The following PTBP3 variants were observed in gnomAD, a reference collection of about 807,000 sequenced individuals.
PTBP3 encodes the protein polypyrimidine tract binding protein 3, also known as polypyrimidine tract-binding protein 3.
PTBP3 carries 20 observed loss-of-function variants against 58.7 expected under a neutral mutation model. The observed-to-expected ratio is 0.34, with a 90% CI of 0.24 to 0.50. The LOEUF (loss-of-function observed/expected upper bound fraction) is 0.50, where lower values mean the gene tolerates loss of function less well. Ranked by LOEUF, PTBP3 falls within the 20% of genes least tolerant of loss-of-function variation. PTBP3 has a pLI of 0.98. For synonymous variants in PTBP3, 185 were observed against 219.8 expected, an observed-to-expected ratio of 0.84 and a Z score of 1.40; for missense variants, 509 against 637.2, an observed-to-expected ratio of 0.80 and a Z score of 2.17.
rs374037315 is a variant in PTBP3, at chr9:112,257,023, A to G, written c.517-4235T>C. 3.3e-5 allele frequency among the ~76,000 whole-genome samples: 5 copies of G among 152,230 alleles called. No homozygotes were observed. The East Asian group carries it at 7.7e-4, about 23-fold the overall frequency. On this transcript the variant is annotated intron_variant, in intron 5 of 13. Coordinates refer to ENST00000374257, the MANE Select transcript of PTBP3 (RefSeq NM_001163788.4). ...AAATTTTTATACTAAATTATGCTATAAAACCTAATTTCCACTCACCTTTCA... is the reference window on the plus strand; with the variant it reads ...AAATTTTTATACTAAATTATGCTATGAAACCTAATTTCCACTCACCTTTCA...
At chr9:112,332,680 T>C (rs1830423633) in intron 1 of PTBP3, 1 of 1,414,398 alleles carries the variant, frequency 7.1e-7, no homozygotes, top group African/African-American at 1.4e-5. Flanking sequence ...GAACAGTTTA[T>C]ATACATAGAC....
chr9:112,372,300 A>T, the PTBP3 span, among the ~76,000 whole-genome samples: 2 of 151,968 alleles, frequency 1.3e-5, no homozygotes, highest in Non-Finnish European at 2.9e-5. Flanking sequence ...GCTGGTCTTG[A>T]ACTCCTGGCT....
At chr9:112,339,690 A>G in the PTBP3 span, among the ~76,000 whole-genome samples, 2 of 151,660 alleles carry the variant, frequency 1.3e-5, no homozygotes, top group South Asian at 4.2e-4. Flanking sequence ...CAGCCTCCCA[A>G]GTAGCTGGGA....
At chr9:112,258,209 A>G (rs1230560142) in intron 5 of PTBP3, among the ~76,000 whole-genome samples, 1 of 152,216 alleles carries the variant, frequency 6.6e-6, no homozygotes, top group African/African-American at 2.4e-5. Flanking sequence ...TCCCATGTAT[A>G]ACAGTACTCA....
At chr9:112,310,423 T>A (rs2000053) in intron 1 of PTBP3, among the ~76,000 whole-genome samples, 129,275 of 152,256 alleles carry the variant, frequency 0.85, 55,304 homozygotes, top group African/African-American at 0.95. Flanking sequence ...CATTCATTTG[T>A]ATATTTATTC....
At chr9:112,320,101 G>A (rs1237684370) in intron 1 of PTBP3, among the ~76,000 whole-genome samples, 2 of 151,464 alleles carry the variant, frequency 1.3e-5, no homozygotes. Flanking sequence ...TGTTTAACAT[G>A]GTGACTATAT....
In PTBP3 at chr9:112,219,870, A is replaced by C. The variant is rs969347587; in HGVS notation, c.*3981T>G. The C allele has an allele frequency of 5.9e-6, 1 of 168,988 alleles. No individual in the cohort carries two copies. Among genetic ancestry groups the C allele is most frequent in the African/African-American group, 2.4e-5 (1 of 41,706 alleles). The allele number at this position is 168,988 out of a possible 1,614,324, so 10.5% of individuals were successfully genotyped here. ...ATTTTCTATATTTTAAACCACTCAC[A>C]ACTAGCTGTTAAAATTTGCTCTGAA... is the stretch of plus-strand genomic sequence containing the variant. On this transcript the variant is annotated 3_prime_UTR_variant, in exon 14 of 14. Transcript: ENST00000374257.
In PTBP3 at chr9:112,297,934, T is replaced by A. The variant is rs775929450; in HGVS notation, c.-51-18A>T. ...GATCCCCGCTGAAAAGCAAAACCAA[T>A]GTTTGGTTAATAAACCAAGTTTTAG... On this transcript the variant is annotated intron_variant, in intron 1 of 13. Transcript: ENST00000374257. 1.9e-6 allele frequency: 3 copies of A among 1,592,246 alleles called. No individual in the cohort carries two copies. Among genetic ancestry groups the A allele is most frequent in the Non-Finnish European group, 1.7e-6 (2 of 1,167,816 alleles).
chr9:112,370,242 T>C, the PTBP3 span, among the ~76,000 whole-genome samples: 1 of 152,158 alleles, frequency 6.6e-6, no homozygotes, highest in Non-Finnish European at 1.5e-5. Context: ...ATAGTAAGTT[T>C]TAAAATATGG....
At chr9:112,229,350 G>A (rs1835113177) in intron 10 of PTBP3, among the ~76,000 whole-genome samples, 1 of 152,064 alleles carries the variant, frequency 6.6e-6, no homozygotes, top group African/African-American at 2.4e-5. Flanking sequence ...GATCACTTGA[G>A]GTCAGGAATT....
At chr9:112,252,602 A>G in intron 6 of PTBP3, 76 bp downstream of exon 6, 1 of 1,111,488 alleles carries the variant, frequency 9.0e-7, no homozygotes, top group Non-Finnish European at 1.3e-6. Context: ...TTAAAAACAC[A>G]TGGTAAAGTG....
intron 2 of PTBP3, among the ~76,000 whole-genome samples, chr9:112,292,596 C>CA (rs1343001540): frequency 6.6e-6 from 1 of 151,974 alleles, no homozygotes; most frequent in Non-Finnish European, 1.5e-5. Flanking sequence ...ATTCACCCTA[C>CA]AAAAAAGGGA....
intron 3 of PTBP3, among the ~76,000 whole-genome samples, chr9:112,275,595 TA>T (rs1248045204): frequency 6.6e-6 from 1 of 151,984 alleles, no homozygotes. Context: ...AAAACAAATT[TA>T]AAAAAATATA....
At chr9:112,247,132 G>A (rs1018564007) in intron 7 of PTBP3, among the ~76,000 whole-genome samples, 4 of 151,728 alleles carry the variant, frequency 2.6e-5, no homozygotes, top group African/African-American at 7.3e-5. Context: ...CACCCAGGAG[G>A]CTGAGGTACA....
chr9:112,261,072 G>C (rs1176633258), intron 5 of PTBP3, among the ~76,000 whole-genome samples: 1 of 152,160 alleles, frequency 6.6e-6, no homozygotes, highest in Middle Eastern at 3.2e-3. Flanking sequence ...AGCAACCCCG[G>C]AACAAACACT....
At position 112,322,605 on chromosome 9, in the gene PTBP3, C is replaced by T. The variant is rs538604377; in HGVS notation, c.-52+10865G>A. The stretch of plus-strand genomic sequence containing the variant: ...AAAACTCACACTAAAGGCCTTTTAC[C>T]TCAGTTCCTATTCTCTGATACAACA... On this transcript the variant is annotated intron_variant, in intron 1 of 13. Coordinates refer to ENST00000374257, the MANE Select transcript of PTBP3 (RefSeq NM_001163788.4). Among the ~76,000 whole-genome samples the T allele has an allele frequency of 1.3e-4, 20 of 152,308 alleles. No homozygotes were observed. In the South Asian group the frequency reaches 4.1e-3, roughly 32 times the overall value.
chr9:112,253,408 CTT>C (rs1836213203), intron 5 of PTBP3, among the ~76,000 whole-genome samples: 1 of 152,104 alleles, frequency 6.6e-6, no homozygotes, highest in East Asian at 1.9e-4. Context: ...TCTGAAGTGT[CTT>C]TTGAGAAGAA....
In PTBP3 at chr9:112,297,810, TAAAA is replaced by T; in HGVS notation, c.34+18_34+21del. On this transcript the variant is annotated intron_variant, in intron 2 of 13. Transcript: ENST00000374257. ...TTTGAAACCCACAGAAATCAAATAT[TAAAA>T]AAAAAAAAAAAACTCACCATACACA... is the stretch of plus-strand genomic sequence containing the variant. 5.1e-6 allele frequency: 6 copies of T among 1,169,096 alleles called. No individual in the cohort carries two copies. Among genetic ancestry groups the T allele is most frequent in the Non-Finnish European group, 6.9e-6 (6 of 867,956 alleles). The allele number at this position is 1,169,096 out of a possible 1,614,324, so 72.4% of individuals were successfully genotyped here. A position where few individuals can be genotyped will look rare whatever the true frequency, so the allele number is the denominator to read the frequency against.
At chr9:112,321,223 C>T (rs1829932934) in intron 1 of PTBP3, among the ~76,000 whole-genome samples, 1 of 152,148 alleles carries the variant, frequency 6.6e-6, no homozygotes, top group East Asian at 1.9e-4. Flanking sequence ...TGGAAGTTGT[C>T]ACTTTTGCCT....
Sources: gnomAD v4.1 joint callset for allele counts (sites outside exome capture counted in the v4.1 genomes callset) on GRCh38, gnomAD v4.1.1 for gene constraint, MANE v1.5 for transcripts, NCBI Gene and HGNC (gene_info 2026-07-23, HGNC 2026-07-21) for gene names.